SGCD: variants seen among roughly 807,000 people sequenced by gnomAD.
SGCD encodes the protein sarcoglycan delta, also known as delta-sarcoglycan.
SGCD carries 18 observed loss-of-function variants against 36.6 expected under a neutral mutation model. That is an observed-to-expected ratio of 0.49 (90% CI 0.34 to 0.73). The LOEUF (loss-of-function observed/expected upper bound fraction) is 0.73. Ranked by LOEUF, SGCD falls within the 30% of genes least tolerant of loss-of-function variation. The probability of loss-of-function intolerance (pLI) is 0.01; values close to 1 mark genes in which losing one functional copy is unlikely to be tolerated. For missense variants in SGCD, 387 were observed against 346.7 expected, an observed-to-expected ratio of 1.12 and a Z score of -0.92; for synonymous variants, 133 against 130.6, an observed-to-expected ratio of 1.02 and a Z score of -0.12.
rs545794229 is a variant in SGCD, at chr5:156,129,779, T to C, written c.-44+5760T>C. ...TCCTGTGTTGGTTTGCTTAGGATGA[T>C]AGTCTCCAGCTTCATCCATGTTCCC... On this transcript the variant is annotated intron_variant, in intron 3 of 9. Coordinates refer to the SGCD transcript ENST00000517913. Among the ~76,000 whole-genome samples, 289 of 152,358 alleles carry C rather than the reference T, an allele frequency of 1.9e-3. 1 individual carries two copies. The highest frequency in any genetic ancestry group is 6.5e-3 in the African/African-American group (272 of 41,578).
chr5:156,362,592 G>A (rs1769861492), intron 3 of SGCD, among the ~76,000 whole-genome samples: 1 of 152,164 alleles, frequency 6.6e-6, no homozygotes, highest in Non-Finnish European at 1.5e-5. Context: ...GTTGCAGTGA[G>A]CCAAGATCAC....
chr5:155,750,602 G>A, the SGCD span, among the ~76,000 whole-genome samples: 29 of 152,258 alleles, frequency 1.9e-4, no homozygotes, highest in African/African-American at 7.0e-4. Flanking sequence ...TCTTAAAATG[G>A]CAGTTTCCCA....
intron 1 of SGCD, among the ~76,000 whole-genome samples, chr5:156,038,346 A>G (rs58982831): frequency 0.15 from 22,730 of 152,152 alleles, 2,092 homozygotes; most frequent in Non-Finnish European, 0.21. Flanking sequence ...AGACCTGACA[A>G]CTAATTGCAA....
chr5:155,877,842 A>G (rs576866800), intron 1 of SGCD, among the ~76,000 whole-genome samples: 14 of 152,124 alleles, frequency 9.2e-5, no homozygotes, highest in Non-Finnish European at 1.8e-4. Flanking sequence ...AGCCTTCAAT[A>G]TGATAATATG....
intron 3 of SGCD, among the ~76,000 whole-genome samples, chr5:156,174,239 T>G (rs1183810215): frequency 2.6e-5 from 4 of 152,324 alleles, no homozygotes; most frequent in Non-Finnish European, 4.4e-5. Context: ...ATAAAATAAA[T>G]TGAAGTCGGT....
intron 1 of SGCD, among the ~76,000 whole-genome samples, chr5:156,023,811 G>C (rs1036947107): frequency 1.3e-5 from 2 of 151,524 alleles, no homozygotes; most frequent in African/African-American, 4.8e-5. Flanking sequence ...GAGTTTTCAC[G>C]AAGCTCTGCC....
chr5:155,809,601 A>G, the SGCD span, among the ~76,000 whole-genome samples: 1 of 152,196 alleles, frequency 6.6e-6, no homozygotes, highest in Non-Finnish European at 1.5e-5. Context: ...GGAAACATGA[A>G]GAGTGAGTAG....
chr5:156,161,221 C>T (rs1250087343), intron 3 of SGCD, among the ~76,000 whole-genome samples: 1 of 151,394 alleles, frequency 6.6e-6, no homozygotes, highest in African/African-American at 2.5e-5. Context: ...CTGAAGATAC[C>T]CTGTCGTCTA....
the SGCD span, among the ~76,000 whole-genome samples, chr5:155,834,140 GC>G: frequency 1.3e-5 from 2 of 151,990 alleles, no homozygotes; most frequent in African/African-American, 2.4e-5. Context: ...AATGTCACTT[GC>G]TTTATTTTGT....
intron 3 of SGCD, among the ~76,000 whole-genome samples, chr5:156,348,226 A>C (rs1188415945): frequency 1.3e-5 from 2 of 152,174 alleles, no homozygotes; most frequent in African/African-American, 2.4e-5. Context: ...GCAGAGATTT[A>C]AAAATATATG....
intron 7 of SGCD, among the ~76,000 whole-genome samples, chr5:156,749,025 A>G (rs1757051182): frequency 6.6e-6 from 1 of 152,132 alleles, no homozygotes; most frequent in Non-Finnish European, 1.5e-5. Context: ...TCAGCTTCCC[A>G]AAGTGCTAGG....
chr5:156,094,104 A>G (rs1403509900), intron 1 of SGCD, among the ~76,000 whole-genome samples: 1 of 152,098 alleles, frequency 6.6e-6, no homozygotes, highest in Admixed American at 6.5e-5. Context: ...CCCTCCTTCT[A>G]GGTCTGGCTC....
chr5:156,558,989 G>C (rs975144797), intron 4 of SGCD, among the ~76,000 whole-genome samples: 1 of 150,524 alleles, frequency 6.6e-6, no homozygotes, highest in Non-Finnish European at 1.5e-5. Context: ...GATTGCCAAA[G>C]CCATTCACTT....
intron 6 of SGCD, among the ~76,000 whole-genome samples, chr5:156,629,834 G>A (rs1762563689): frequency 6.6e-6 from 1 of 150,808 alleles, no homozygotes; most frequent in Non-Finnish European, 1.5e-5. Context: ...CCTGGTCTAG[G>A]CTCTGGTTTT....
intron 7 of SGCD, among the ~76,000 whole-genome samples, chr5:156,702,322 G>C (rs1157415078): frequency 1.3e-5 from 2 of 152,038 alleles, no homozygotes; most frequent in Admixed American, 1.3e-4. Context: ...TACATTTCTA[G>C]TCTTCCTTAA....
chr5:156,438,345 G>A (rs1372099534), intron 3 of SGCD, among the ~76,000 whole-genome samples: 2 of 152,084 alleles, frequency 1.3e-5, no homozygotes, highest in Non-Finnish European at 2.9e-5. Flanking sequence ...CTATTATTCT[G>A]TGTGGTGGAC....
intron 6 of SGCD, among the ~76,000 whole-genome samples, chr5:156,608,839 C>T (rs1761623834): frequency 6.6e-6 from 1 of 151,946 alleles, no homozygotes; most frequent in Non-Finnish European, 1.5e-5. Context: ...GGTTTAAAGT[C>T]TGTTTTATCC....
intron 6 of SGCD, among the ~76,000 whole-genome samples, chr5:156,609,699 G>T (rs1487964812): frequency 6.6e-6 from 1 of 152,022 alleles, no homozygotes; most frequent in Non-Finnish European, 1.5e-5. Context: ...ACATAGATTT[G>T]GTCTTTTCAC....
chr5:155,968,301 C>T (rs899898386), intron 1 of SGCD, among the ~76,000 whole-genome samples: 3 of 152,066 alleles, frequency 2.0e-5, no homozygotes, highest in African/African-American at 4.8e-5. Context: ...ACACATGGCA[C>T]GTGGGTGCTT....
Sources: gnomAD v4.1 joint callset for allele counts (sites outside exome capture counted in the v4.1 genomes callset) on GRCh38, gnomAD v4.1.1 for gene constraint, MANE v1.5 for transcripts, NCBI Gene and HGNC (gene_info 2026-07-23, HGNC 2026-07-21) for gene names.